Variants in SPMAP2L observed in about 807,000 individuals in gnomAD.
The protein encoded by SPMAP2L is sperm microtubule associated protein 2 like, also known as sperm microtubule associated protein 2-like.
At chr4:56,600,419 G>A in the SPMAP2L span, among the ~76,000 whole-genome samples, 1 of 151,982 alleles carries the variant, frequency 6.6e-6, no homozygotes, top group South Asian at 2.1e-4. Flanking sequence ...TCAGCCTCCT[G>A]AGTAGCTGGG....
the SPMAP2L span, among the ~76,000 whole-genome samples, chr4:56,561,517 G>T: frequency 6.6e-6 from 1 of 152,072 alleles, no homozygotes; most frequent in Non-Finnish European, 1.5e-5. Context: ...GCAGGCATGT[G>T]CAAAGAGGGA....
At chr4:56,600,986 C>G in the SPMAP2L span, 3 of 1,535,426 alleles carry the variant, frequency 2.0e-6, no homozygotes, top group Non-Finnish European at 2.6e-6. Flanking sequence ...ATAGCTCTAG[C>G]GAAGTCCAAG....
At chr4:56,551,416 A>G in the SPMAP2L span, among the ~76,000 whole-genome samples, 4 of 152,154 alleles carry the variant, frequency 2.6e-5, no homozygotes, top group Admixed American at 6.5e-5. Flanking sequence ...ATCAATCTGT[A>G]CAAGGATCTT....
chr4:56,537,761 C>G, the SPMAP2L span, among the ~76,000 whole-genome samples: 3 of 151,706 alleles, frequency 2.0e-5, no homozygotes, highest in Non-Finnish European at 2.9e-5. Flanking sequence ...CGCGCGATCT[C>G]GGCTCACTAC....
chr4:56,538,039 A>G, the SPMAP2L span, among the ~76,000 whole-genome samples: 452 of 151,636 alleles, frequency 3.0e-3, 3 homozygotes, highest in African/African-American at 0.01. Context: ...GCCTGTGTCT[A>G]CTCTTGTCCC....
chr4:56,602,317 C>T, the SPMAP2L span, among the ~76,000 whole-genome samples: 163 of 152,212 alleles, frequency 1.1e-3, 1 homozygote, highest in African/African-American at 3.5e-3. Context: ...TATATAATGA[C>T]ATGTTTAAAA....
At chr4:56,584,035 T>C in the SPMAP2L span, among the ~76,000 whole-genome samples, 1 of 152,052 alleles carries the variant, frequency 6.6e-6, no homozygotes, top group Non-Finnish European at 1.5e-5. Flanking sequence ...GGTGCAATCT[T>C]GGCTCACTGC....
chr4:56,597,587 A>T, the SPMAP2L span, among the ~76,000 whole-genome samples: 1 of 152,222 alleles, frequency 6.6e-6, no homozygotes, highest in Non-Finnish European at 1.5e-5. Context: ...CGAGTGTCTT[A>T]AGTTTACTAA....
the SPMAP2L span, among the ~76,000 whole-genome samples, chr4:56,600,097 CTTTTTTTTTTT>C: frequency 1.9e-3 from 165 of 87,800 alleles, 1 homozygote; most frequent in Middle Eastern, 0.023. Context: ...TCTTTGCTTT[CTTTTTTTTTTT>C]TTTTTTTTTT....
At chr4:56,581,648 C>CT in the SPMAP2L span, among the ~76,000 whole-genome samples, 1 of 151,848 alleles carries the variant, frequency 6.6e-6, no homozygotes, top group Non-Finnish European at 1.5e-5. Flanking sequence ...TTCCAGCTTC[C>CT]TTTTTTTCAT....
chr4:56,594,211 G>A, the SPMAP2L span: 174 of 1,611,172 alleles, frequency 1.1e-4, no homozygotes, highest in East Asian at 8.0e-4. Flanking sequence ...GGACCAGCCC[G>A]TTCCTCACCC....
chr4:56,614,390 C>A, the SPMAP2L span, among the ~76,000 whole-genome samples: 30,926 of 151,956 alleles, frequency 0.2, 3,752 homozygotes, highest in African/African-American at 0.33. Context: ...TGTGGTGGCT[C>A]ACATCTGTAA....
the SPMAP2L span, chr4:56,548,737 A>G: frequency 2.7e-4 from 353 of 1,289,792 alleles, no homozygotes; most frequent in African/African-American, 5.0e-3. Flanking sequence ...TCTTAATCAT[A>G]TCTTTGATTC....
chr4:56,617,019 G>C, the SPMAP2L span, among the ~76,000 whole-genome samples: 1 of 152,160 alleles, frequency 6.6e-6, no homozygotes, highest in African/African-American at 2.4e-5. Context: ...CCTGAGGGGA[G>C]CCTGAAACCT....
the SPMAP2L span, chr4:56,548,914 T>A: frequency 1.2e-6 from 1 of 847,400 alleles, no homozygotes; most frequent in Non-Finnish European, 1.6e-6. Flanking sequence ...TGGGTCTACC[T>A]TGGGGTTTTC....
At chr4:56,537,841 C>T in the SPMAP2L span, among the ~76,000 whole-genome samples, 93 of 152,134 alleles carry the variant, frequency 6.1e-4, no homozygotes, top group Middle Eastern at 3.4e-3. Flanking sequence ...TACAGGTGCC[C>T]GCCACCACGC....
the SPMAP2L span, chr4:56,594,536 G>A: frequency 2.2e-5 from 35 of 1,608,486 alleles, 1 homozygote; most frequent in South Asian, 3.2e-4. Context: ...TGCTGGACTG[G>A]CCACTATCCG....
At chr4:56,616,679 C>T in the SPMAP2L span, among the ~76,000 whole-genome samples, 1 of 152,136 alleles carries the variant, frequency 6.6e-6, no homozygotes, top group Admixed American at 6.5e-5. Flanking sequence ...GGCTGTAGAC[C>T]GTAGTGAGGA....
At chr4:56,550,970 A>T in the SPMAP2L span, among the ~76,000 whole-genome samples, 1 of 137,520 alleles carries the variant, frequency 7.3e-6, no homozygotes, top group Non-Finnish European at 1.6e-5. Flanking sequence ...AAAAAAAAAA[A>T]GGCTGAGAGG....
Sources: allele counts gnomAD v4.1 joint callset (sites outside exome capture counted in the v4.1 genomes callset), GRCh38; gene constraint gnomAD v4.1.1; transcripts MANE v1.5; gene names NCBI Gene and HGNC (gene_info 2026-07-23, HGNC 2026-07-21).